Variants in TMEM182 observed in about 807,000 individuals in gnomAD.
TMEM182 encodes the protein transmembrane protein 182.
Under a neutral mutation model 26.8 loss-of-function variants are expected in TMEM182, and 20 were observed. That is an observed-to-expected ratio of 0.75 (90% CI 0.53 to 1.09). TMEM182 has a LOEUF of 1.09. Ranked by LOEUF, TMEM182 falls within the 50% of genes least tolerant of loss-of-function variation. The pLI, the probability that TMEM182 is intolerant of heterozygous loss-of-function variation, is 0.00. For synonymous variants in TMEM182, 109 were observed against 102.2 expected (o/e 1.07, Z -0.40); for missense variants, 277 against 275.5 (o/e 1.01, Z -0.04).
intron 3 of TMEM182, among the ~76,000 whole-genome samples, chr2:102,796,560 A>G (rs1339651856): frequency 6.6e-6 from 1 of 152,224 alleles, no homozygotes; most frequent in East Asian, 1.9e-4. Flanking sequence ...CACACTCTGC[A>G]ACTCGTAATT....
At chr2:102,759,110 A>C (rs555758756), upstream of TMEM182, among the ~76,000 whole-genome samples, 3 of 152,364 alleles carry the variant, frequency 2.0e-5, no homozygotes, top group East Asian at 5.8e-4. Flanking sequence ...GATAAATAGT[A>C]ACAACAAAGT....
intron 1 of TMEM182, among the ~76,000 whole-genome samples, chr2:102,755,502 T>C (rs989364545): frequency 6.6e-6 from 1 of 152,214 alleles, no homozygotes; most frequent in Non-Finnish European, 1.5e-5. Flanking sequence ...ATTACCTCAC[T>C]GAGGCCAGAG....
chr2:102,769,637 G>T (rs975954704), intron 3 of TMEM182, among the ~76,000 whole-genome samples: 1 of 152,078 alleles, frequency 6.6e-6, no homozygotes, highest in African/African-American at 2.4e-5. Context: ...TGCTACCTCT[G>T]CATCAAAAAT....
intron 1 of TMEM182, among the ~76,000 whole-genome samples, chr2:102,750,908 G>C (rs1679857173): frequency 6.6e-6 from 1 of 152,170 alleles, no homozygotes; most frequent in Non-Finnish European, 1.5e-5. Flanking sequence ...CTGAAAGCTG[G>C]AAGTCCAGAT....
At chr2:102,748,477 C>T (rs1679780914) in intron 1 of TMEM182, among the ~76,000 whole-genome samples, 4 of 152,204 alleles carry the variant, frequency 2.6e-5, no homozygotes, top group Admixed American at 6.5e-5. Flanking sequence ...CACAAAATAA[C>T]TTTTTAATAG....
At chr2:102,793,086 G>A (rs763521144) in intron 3 of TMEM182, among the ~76,000 whole-genome samples, 32 of 152,158 alleles carry the variant, frequency 2.1e-4, no homozygotes, top group Non-Finnish European at 4.0e-4. Context: ...CATCTGATTC[G>A]GGCTGTCAGT....
At chr2:102,759,991 A>G (rs1418598825), upstream of TMEM182, among the ~76,000 whole-genome samples, 2 of 152,198 alleles carry the variant, frequency 1.3e-5, no homozygotes, top group Non-Finnish European at 2.9e-5. Flanking sequence ...ATTGCCATGT[A>G]AAATAACATA....
intron 1 of TMEM182, among the ~76,000 whole-genome samples, chr2:102,754,540 C>A (rs768116689): frequency 2.6e-5 from 4 of 152,152 alleles, no homozygotes; most frequent in Non-Finnish European, 5.9e-5. Flanking sequence ...GTAAACCATT[C>A]CAGTTTTCTA....
chr2:102,836,935 C>T (rs1023423751), intron 3 of TMEM182, among the ~76,000 whole-genome samples: 3 of 152,232 alleles, frequency 2.0e-5, no homozygotes, highest in African/African-American at 7.2e-5. Flanking sequence ...GCATTTAATG[C>T]TCTGATTGGA....
At chr2:102,796,787 C>A (rs781418272) in intron 3 of TMEM182, among the ~76,000 whole-genome samples, 4 of 152,272 alleles carry the variant, frequency 2.6e-5, no homozygotes, top group Non-Finnish European at 4.4e-5. Context: ...ACTGAAGTGA[C>A]TCCTCTTCTC....
At chr2:102,828,886 C>G (rs1683095554) in intron 3 of TMEM182, among the ~76,000 whole-genome samples, 1 of 152,156 alleles carries the variant, frequency 6.6e-6, no homozygotes, top group African/African-American at 2.4e-5. Flanking sequence ...TAAGGCTAAA[C>G]AGTTAACCTG....
intron 1 of TMEM182, among the ~76,000 whole-genome samples, chr2:102,748,206 C>T (rs985867924): frequency 4.6e-5 from 7 of 152,174 alleles, no homozygotes; most frequent in Non-Finnish European, 1.0e-4. Context: ...AATCTAATGC[C>T]AAGGAAAATG....
chr2:102,812,357 C>G (rs576010664), intron 4 of TMEM182, among the ~76,000 whole-genome samples: 2 of 147,916 alleles, frequency 1.4e-5, no homozygotes, highest in African/African-American at 5.0e-5. Flanking sequence ...TTGTCTGTCT[C>G]TCTCTCTCTC....
intron 3 of TMEM182, among the ~76,000 whole-genome samples, chr2:102,834,189 G>T (rs1019272621): frequency 1.3e-5 from 2 of 152,084 alleles, no homozygotes; most frequent in South Asian, 4.1e-4. Context: ...TATATCTCTG[G>T]CAATGACATG....
At chr2:102,821,913 G>A (rs1250953819), downstream of TMEM182, among the ~76,000 whole-genome samples, 3 of 151,610 alleles carry the variant, frequency 2.0e-5, no homozygotes, top group East Asian at 2.0e-4. Context: ...GCGTGAACCC[G>A]GGAGGCAGAG....
intron 3 of TMEM182, among the ~76,000 whole-genome samples, chr2:102,788,049 A>G (rs922972012): frequency 2.0e-5 from 3 of 152,150 alleles, no homozygotes; most frequent in Non-Finnish European, 2.9e-5. Flanking sequence ...TTTAAAATTT[A>G]TTATTAAAAA....
chr2:102,828,488 C>G (rs767421661), intron 3 of TMEM182, among the ~76,000 whole-genome samples: 3 of 152,098 alleles, frequency 2.0e-5, no homozygotes, highest in Non-Finnish European at 4.4e-5. Flanking sequence ...CACATGATAT[C>G]TTTGCAAAAA....
At chr2:102,841,665 C>A (rs1206959312) in intron 3 of TMEM182, among the ~76,000 whole-genome samples, 1 of 152,174 alleles carries the variant, frequency 6.6e-6, no homozygotes, top group Non-Finnish European at 1.5e-5. Flanking sequence ...GGAGCTAAAG[C>A]AGAACAATTA....
rs1682799066 is a variant in TMEM182, at chr2:102,817,585, G to T, written c.*2617G>T. 2.0e-6 allele frequency: 2 copies of T among 985,126 alleles called. No individual in the cohort carries two copies. Among genetic ancestry groups the T allele is most frequent in the Non-Finnish European group, 2.4e-6 (2 of 829,726 alleles). The allele number at this position is 985,126 out of a possible 1,614,324, so 61.0% of individuals were successfully genotyped here. ...TAAAAAAAGTAATATCAAGTGTGTT[G>T]TTAGTATTCATTTAGTCATTTTTAT... On this transcript the variant is annotated 3_prime_UTR_variant, in exon 5 of 5. Transcript: ENST00000412401.
Sources: allele counts gnomAD v4.1 joint callset (sites outside exome capture counted in the v4.1 genomes callset), GRCh38; gene constraint gnomAD v4.1.1; transcripts MANE v1.5; gene names NCBI Gene and HGNC (gene_info 2026-07-23, HGNC 2026-07-21).